Variants in KMT2C observed in about 807,000 individuals in gnomAD.
KMT2C encodes lysine methyltransferase 2C, also known as histone-lysine N-methyltransferase 2C.
KMT2C carries 88 observed loss-of-function variants against 507.9 expected under a neutral mutation model. The ratio of observed to expected loss-of-function variants is 0.17; its 90% CI spans 0.15 to 0.21. KMT2C has a LOEUF of 0.21. Among genes scored for constraint, KMT2C ranks in the 10% least tolerant of loss-of-function variants. KMT2C has a pLI of 1.00. For synonymous variants in KMT2C, 2,049 were observed against 2,080.8 expected (o/e 0.98, Z 0.42); for missense variants, 4,954 against 5,957.8 (o/e 0.83, Z 5.55).
intron 2 of KMT2C, among the ~76,000 whole-genome samples, chr7:152,349,606 G>T (rs943857595): frequency 6.6e-6 from 1 of 152,100 alleles, no homozygotes; most frequent in African/African-American, 2.4e-5. Context: ...ACAGTAAAAA[G>T]AATAGTGGTT....
intron 1 of KMT2C, among the ~76,000 whole-genome samples, chr7:152,380,452 C>G (rs1298490514): frequency 6.7e-6 from 1 of 148,156 alleles, no homozygotes; most frequent in Non-Finnish European, 1.5e-5. Flanking sequence ...ACTATAGTCA[C>G]AGCTACTCGA....
chr7:152,345,210 TG>T (rs1179593723), intron 2 of KMT2C, among the ~76,000 whole-genome samples: 2 of 152,078 alleles, frequency 1.3e-5, no homozygotes, highest in East Asian at 3.9e-4. Flanking sequence ...AAGACCAGCC[TG>T]GGCAACACAG....
intron 1 of KMT2C, among the ~76,000 whole-genome samples, chr7:152,364,603 C>G (rs1400491233): frequency 8.4e-6 from 1 of 118,582 alleles, no homozygotes; most frequent in Non-Finnish European, 1.5e-5. Flanking sequence ...AGCGAGACTC[C>G]GTCTCCAAAA....
intron 1 of KMT2C, among the ~76,000 whole-genome samples, chr7:152,415,141 A>G (rs2097721830): frequency 6.6e-6 from 1 of 152,290 alleles, no homozygotes; most frequent in Middle Eastern, 3.4e-3. Flanking sequence ...CCGGCCTTCA[A>G]TATTTTCTGG....
chr7:152,144,830 G>A lies in KMT2C; in HGVS notation c.14226C>T (p.Val4742=), dbSNP rs1563131675. 6.2e-7 allele frequency: 1 copy of A among 1,614,128 alleles called. No individual in the cohort carries two copies. The highest frequency in any genetic ancestry group is 1.3e-5 in the African/African-American group (1 of 75,054). The part of the protein sequence containing the change: ...TSTSKSFQST[V]TGELNAPYSK... ...TATAAGGTGCGTTCAGTTCTCCAGT[G>A]ACTGTGCTCTGAAATGACTTTGAGG... The change falls in exon 55 of 59, where the codon GTC becomes GTT. Residue 4742 remains valine (V), a synonymous_variant. Transcript: ENST00000262189. This position sits in a 1 kb window ranked among gnomAD's most constrained non-coding sequence, Gnocchi z 4.4.
chr7:152,431,594 A>C (rs575013645), intron 1 of KMT2C, among the ~76,000 whole-genome samples: 49 of 145,718 alleles, frequency 3.4e-4, no homozygotes, highest in Non-Finnish European at 5.4e-4. Flanking sequence ...CGGCAGAGCA[A>C]GACTCTGTCA....
rs1228098967 is a variant in KMT2C at position 152,270,067 on chromosome 7, TC to T, written c.1012+3637del. On this transcript the variant is annotated intron_variant, in intron 7 of 58. Coordinates refer to ENST00000262189, the MANE Select transcript of KMT2C (RefSeq NM_170606.3). ...CAGTGTGAATTTAAGAAGGACCAAATCAGCATTGCTTTCTAATTTCCATCAC... is the reference window on the plus strand; with the variant it reads ...CAGTGTGAATTTAAGAAGGACCAAATAGCATTGCTTTCTAATTTCCATCAC... Among the ~76,000 whole-genome samples the T allele has an allele frequency of 1.2e-4, 18 of 152,306 alleles. No individual in the cohort carries two copies. In the East Asian group the frequency reaches 2.5e-3, roughly 21 times the overall value.
At chr7:152,429,624 G>A (rs564689943) in intron 1 of KMT2C, among the ~76,000 whole-genome samples, 1 of 151,722 alleles carries the variant, frequency 6.6e-6, no homozygotes, top group Non-Finnish European at 1.5e-5. Flanking sequence ...GGGTTCAAGC[G>A]ATTCTCCTGC....
At chr7:152,192,617 T>C (rs941306414) in intron 31 of KMT2C, among the ~76,000 whole-genome samples, 2 of 151,442 alleles carry the variant, frequency 1.3e-5, no homozygotes, top group African/African-American at 2.4e-5. Flanking sequence ...ATTACCCAAA[T>C]GTAAATCACA....
rs372461840 is a variant in KMT2C, at chr7:152,159,873, T to C, written c.11461-801A>G. ...TAGCTGAACTTACTGTAATGAATTCTGCATTGAATCTCTGACGGTTCTGAA... is the reference window on the plus strand; with the variant it reads ...TAGCTGAACTTACTGTAATGAATTCCGCATTGAATCTCTGACGGTTCTGAA... On this transcript the variant is annotated intron_variant, in intron 43 of 58. Transcript: ENST00000262189. Among the ~76,000 whole-genome samples the C allele has an allele frequency of 5.4e-4, 82 of 152,342 alleles. 1 individual carries two copies. Among genetic ancestry groups the C allele is most frequent in the Admixed American group, 1.9e-3 (29 of 15,304 alleles).
intron 1 of KMT2C, among the ~76,000 whole-genome samples, chr7:152,412,641 G>C (rs932742454): frequency 6.6e-6 from 1 of 152,030 alleles, no homozygotes; most frequent in Non-Finnish European, 1.5e-5. Context: ...AACAGAAAAA[G>C]AAACAACGTA....
chr7:152,142,758 G>T, intron 55 of KMT2C, among the ~76,000 whole-genome samples: 1 of 152,188 alleles, frequency 6.6e-6, no homozygotes, highest in East Asian at 1.9e-4. Context: ...TCAAAAGAAT[G>T]AAATGAAGCT....
At chr7:152,261,672 C>A (rs565112196) in intron 9 of KMT2C, among the ~76,000 whole-genome samples, 2 of 151,822 alleles carry the variant, frequency 1.3e-5, no homozygotes, top group East Asian at 3.9e-4. Flanking sequence ...AAGCTACAGC[C>A]GAAGGTAAAC....
At chr7:152,194,847 C>CAA (rs36061637) in intron 28 of KMT2C, among the ~76,000 whole-genome samples, 2 of 87,110 alleles carry the variant, frequency 2.3e-5, no homozygotes, top group African/African-American at 6.5e-5. Context: ...CAACTCCTGC[C>CAA]AAAAAAAAAA....
Position 152,174,257 on chromosome 7 carries a change from TAA to T in KMT2C, c.9263-17_9263-16del, listed in dbSNP as rs753434264. On this transcript the variant is annotated splice_polypyrimidine_tract_variant and intron_variant, in intron 38 of 58. Coordinates refer to ENST00000262189, the MANE Select transcript of KMT2C (RefSeq NM_170606.3). Reference sequence around the variant, plus strand: ...TGCATCAAAATCTAGAAAAGAAATATAAAGTTACTTATTTCATAGTAATTAGT... The same window carrying T: ...TGCATCAAAATCTAGAAAAGAAATATAGTTACTTATTTCATAGTAATTAGT... The T allele has an allele frequency of 2.3e-6, 3 of 1,310,526 alleles. No homozygotes were observed. The Admixed American group carries it at 5.4e-5, about 24-fold the overall frequency. The allele number at this position is 1,310,526 out of a possible 1,614,324, so 81.2% of individuals were successfully genotyped here.
At chr7:152,137,175 T>C (rs2089954228) in intron 58 of KMT2C, 2 of 426,008 alleles carry the variant, frequency 4.7e-6, no homozygotes, top group Non-Finnish European at 4.3e-6. Flanking sequence ...GAGAAAGCTG[T>C]ATTTCTGTGA....
chr7:152,261,396 C>T (rs1339526210), intron 9 of KMT2C, among the ~76,000 whole-genome samples: 2 of 152,090 alleles, frequency 1.3e-5, no homozygotes, highest in East Asian at 3.8e-4. Flanking sequence ...ATTGTAACAA[C>T]TTGTTGAATC....
intron 2 of KMT2C, among the ~76,000 whole-genome samples, chr7:152,355,576 A>G (rs1236462656): frequency 6.6e-6 from 1 of 152,158 alleles, no homozygotes; most frequent in Non-Finnish European, 1.5e-5. Flanking sequence ...CAAACAAAAA[A>G]AAACCAAGAC....
intron 3 of KMT2C, among the ~76,000 whole-genome samples, chr7:152,319,813 GCTCTCCCTCTCC>G (rs908987490): frequency 6.6e-6 from 1 of 152,094 alleles, no homozygotes; most frequent in African/African-American, 2.4e-5. Flanking sequence ...AATGGCATAA[GCTCTCCCTCTCC>G]CTCTCCCTTT....
Sources: gnomAD v4.1 joint callset for allele counts (sites outside exome capture counted in the v4.1 genomes callset) on GRCh38, gnomAD v4.1.1 for gene constraint, Gnocchi (gnomAD v3.1) non-coding constraint, MANE v1.5 for transcripts, NCBI Gene and HGNC (gene_info 2026-07-23, HGNC 2026-07-21) for gene names.